The following ATP13A4 variants were observed in gnomAD, a reference collection of about 807,000 sequenced individuals.
ATP13A4 encodes the protein ATPase 13A4.
ATP13A4 carries 114 observed loss-of-function variants against 142.5 expected under a neutral mutation model. The ratio of observed to expected loss-of-function variants is 0.80; its 90% CI spans 0.69 to 0.93. The LOEUF (loss-of-function observed/expected upper bound fraction) is 0.93, where lower values mean the gene tolerates loss of function less well. ATP13A4 is among the 40% of genes least tolerant of loss of function. The pLI is 0.00. For missense variants in ATP13A4, 1,392 were observed against 1,454.0 expected (o/e 0.96, Z 0.69); for synonymous variants, 488 against 514.8 (o/e 0.95, Z 0.70).
chr3:193,432,085 T>C (rs934433986), intron 25 of ATP13A4, among the ~76,000 whole-genome samples: 2 of 148,156 alleles, frequency 1.3e-5, no homozygotes, highest in Admixed American at 6.9e-5. Context: ...TGAGAATGTA[T>C]TATATGCCAT....
At chr3:193,584,289 A>G (rs1224607773) in intron 1 of ATP13A4, among the ~76,000 whole-genome samples, 1 of 152,194 alleles carries the variant, frequency 6.6e-6, no homozygotes, top group Non-Finnish European at 1.5e-5. Flanking sequence ...AGGTTTGACC[A>G]GTCACTGCTG....
At chr3:193,510,180 C>T (rs1721069672) in intron 2 of ATP13A4, among the ~76,000 whole-genome samples, 1 of 152,140 alleles carries the variant, frequency 6.6e-6, no homozygotes, top group Non-Finnish European at 1.5e-5. Flanking sequence ...AACACAGATG[C>T]TGCCGCCTGA....
At chr3:193,521,837 G>T (rs1445284421) in intron 1 of ATP13A4, among the ~76,000 whole-genome samples, 1 of 152,144 alleles carries the variant, frequency 6.6e-6, no homozygotes, top group African/African-American at 2.4e-5. Flanking sequence ...GGAGGCTGAG[G>T]CAGGAGAATG....
At chr3:193,576,650 T>C (rs982308062) in intron 2 of ATP13A4, among the ~76,000 whole-genome samples, 3 of 152,156 alleles carry the variant, frequency 2.0e-5, no homozygotes, top group Non-Finnish European at 4.4e-5. Context: ...TAAGAAAAAC[T>C]AATCAGTTAA....
intron 17 of ATP13A4, among the ~76,000 whole-genome samples, chr3:193,451,736 T>G (rs1299633635): frequency 2.0e-5 from 3 of 152,160 alleles, no homozygotes; most frequent in African/African-American, 7.2e-5. Flanking sequence ...ATGCATGAAG[T>G]GGGCCAATAA....
Position 193,438,914 on chromosome 3 carries a change from C to T in ATP13A4, c.2562+109G>A, listed in dbSNP as rs111297264. 4.6e-5 allele frequency: 55 copies of T among 1,194,264 alleles called. No homozygotes were observed. In the African/African-American group the frequency reaches 5.2e-4, roughly 11 times the overall value. 74.0% of individuals were successfully genotyped at this position (1,194,264 alleles called of 1,614,324 possible). A position where few individuals can be genotyped will look rare whatever the true frequency, so the allele number is the denominator to read the frequency against. Reference sequence around the variant, plus strand: ...GCCAGGAGTATACCTCTAAAGGGCTCGAGTATAAATGAATGTGAGATTATG... The same window carrying T: ...GCCAGGAGTATACCTCTAAAGGGCTTGAGTATAAATGAATGTGAGATTATG... On this transcript the variant is annotated intron_variant, in intron 22 of 29. Transcript: ENST00000342695.
At position 193,470,846 on chromosome 3, in the gene ATP13A4, G is replaced by C. The variant is rs369011709; in HGVS notation, c.943+13C>G. On this transcript the variant is annotated intron_variant, in intron 9 of 29. Transcript: ENST00000342695. Reference sequence around the variant, plus strand: ...GCCCACAGAGGTTGTCAGCTGTGGAGATGGAACTGTACCTGTCAGCATGCC... The same window carrying C: ...GCCCACAGAGGTTGTCAGCTGTGGACATGGAACTGTACCTGTCAGCATGCC... The C allele has an allele frequency of 7.8e-5, 126 of 1,613,820 alleles. No individual in the cohort carries two copies. The highest frequency in any genetic ancestry group is 9.8e-5 in the Non-Finnish European group (116 of 1,180,026).
At chr3:193,555,263 T>TCTG, upstream of ATP13A4, 1 of 257,374 alleles carries the variant, frequency 3.9e-6, no homozygotes, top group Non-Finnish European at 7.7e-6. Context: ...AGGAATTGGG[T>TCTG]TGAGCGGAAG....
intron 8 of ATP13A4, among the ~76,000 whole-genome samples, chr3:193,478,393 AAAG>A (rs2108654275): frequency 6.6e-6 from 1 of 152,182 alleles, no homozygotes; most frequent in South Asian, 2.1e-4. Context: ...TTAACCAAGA[AAAG>A]AAGACAGAAG....
chr3:193,511,035 G>A (rs973283378), intron 2 of ATP13A4, among the ~76,000 whole-genome samples: 2 of 152,300 alleles, frequency 1.3e-5, no homozygotes, highest in Admixed American at 6.5e-5. Flanking sequence ...TAGTAAGAAT[G>A]TTTGAAATAA....
Position 193,472,681 on chromosome 3 carries a change from TAA to T in ATP13A4, c.809-1690_809-1689del, listed in dbSNP as rs1352525972. The stretch of plus-strand genomic sequence containing the variant: ...TGCTTAGATAACATGGTAAAGGCAT[TAA>T]ATGTGTGGGTGGAAGACAGGAACAG... On this transcript the variant is annotated intron_variant, in intron 8 of 29. Coordinates refer to ENST00000342695, the MANE Select transcript of ATP13A4 (RefSeq NM_032279.4). Among the ~76,000 whole-genome samples the T allele has an allele frequency of 2.6e-5, 4 of 152,090 alleles. No individual in the cohort carries two copies. In the South Asian group the frequency reaches 6.2e-4, roughly 24 times the overall value.
chr3:193,573,886 A>C (rs777753769), intron 2 of ATP13A4, among the ~76,000 whole-genome samples: 8 of 152,204 alleles, frequency 5.3e-5, no homozygotes, highest in Non-Finnish European at 1.0e-4. Context: ...GATTTAGAAA[A>C]GTTAAGTGCT....
intron 1 of ATP13A4, among the ~76,000 whole-genome samples, chr3:193,582,572 TAA>T (rs1322572016): frequency 6.0e-5 from 8 of 134,028 alleles, no homozygotes; most frequent in African/African-American, 1.7e-4. Context: ...ATAATACATA[TAA>T]TATATATTAC....
At chr3:193,489,588 T>C (rs1252796144) in intron 7 of ATP13A4, 142 bp downstream of exon 7, 2 of 817,474 alleles carry the variant, frequency 2.4e-6, no homozygotes, top group East Asian at 2.5e-5. Flanking sequence ...GAACACTGGT[T>C]ACTGTGCTAG....
At chr3:193,514,442 G>A (rs766363302) in intron 2 of ATP13A4, among the ~76,000 whole-genome samples, 4 of 150,646 alleles carry the variant, frequency 2.7e-5, no homozygotes, top group Non-Finnish European at 4.4e-5. Context: ...AGAGTATTCC[G>A]TGGTGTACAT....
intron 8 of ATP13A4, among the ~76,000 whole-genome samples, chr3:193,474,593 G>A (rs1718832192): frequency 7.2e-6 from 1 of 139,176 alleles, no homozygotes; most frequent in South Asian, 2.3e-4. Context: ...AAGAAGGAAA[G>A]AAAGGAAGAA....
intron 20 of ATP13A4, among the ~76,000 whole-genome samples, chr3:193,441,005 C>A (rs1235730366): frequency 1.3e-5 from 2 of 148,504 alleles, no homozygotes; most frequent in Non-Finnish European, 3.0e-5. Flanking sequence ...CGATCTATCT[C>A]TCTCTCTCTC....
Position 193,465,029 on chromosome 3 carries a change from G to A in ATP13A4, c.1372C>T (p.Gln458Ter). The A allele has an allele frequency of 6.2e-7, 1 of 1,614,104 alleles. No homozygotes were observed. Among genetic ancestry groups the A allele is most frequent in the Non-Finnish European group, 8.5e-7 (1 of 1,180,006 alleles). ...AALTTGIIYAQRRLKKRGIFC... is the reference protein window; with the variant it reads ...AALTTGIIYA ...ATGCCTCTCTTCTTCAGCCTCCTCT[G>A]GGCATAGATAATGCCTGTGGTCAGA... is the stretch of plus-strand genomic sequence containing the variant. Residue 458 changes from glutamine (Q) to a stop codon, truncating the protein, a stop_gained, in exon 12 of 30, where the codon CAG becomes TAG. Transcript: ENST00000342695. LOFTEE classifies it high-confidence loss of function.
chr3:193,574,611 G>A (rs930975762), intron 2 of ATP13A4, among the ~76,000 whole-genome samples: 12 of 152,096 alleles, frequency 7.9e-5, no homozygotes, highest in African/African-American at 2.4e-4. Context: ...AGCTACTTGC[G>A]AGGCTGAGTC....
Sources: gnomAD v4.1 joint callset for allele counts (sites outside exome capture counted in the v4.1 genomes callset) on GRCh38, gnomAD v4.1.1 for gene constraint, MANE v1.5 for transcripts, NCBI Gene and HGNC (gene_info 2026-07-23, HGNC 2026-07-21) for gene names.